Variants in SH3GL2 observed in about 807,000 individuals in gnomAD.
The protein encoded by SH3GL2 is SH3 domain containing GRB2 like 2, endophilin A1, also known as endophilin-A1.
In SH3GL2, 24 loss-of-function variants were observed where a neutral mutation model predicts 46.0. The observed-to-expected ratio is 0.52, with a 90% CI of 0.38 to 0.73. The LOEUF (loss-of-function observed/expected upper bound fraction) is 0.73, where lower values mean the gene tolerates loss of function less well. Among genes scored for constraint, SH3GL2 ranks in the 30% least tolerant of loss-of-function variants. The pLI, the probability that SH3GL2 is intolerant of heterozygous loss-of-function variation, is 0.00. For synonymous variants in SH3GL2, 196 were observed against 147.1 expected, an observed-to-expected ratio of 1.33 and a Z score of -2.40; for missense variants, 413 against 424.2, an observed-to-expected ratio of 0.97 and a Z score of 0.23.
chr9:17,685,541 G>A (rs1021674858), intron 1 of SH3GL2, among the ~76,000 whole-genome samples: 14 of 152,010 alleles, frequency 9.2e-5, no homozygotes, highest in African/African-American at 3.1e-4. Context: ...TAGAATTGTG[G>A]GAAGACCTAG....
At chr9:17,604,392 G>T (rs1301382802) in intron 1 of SH3GL2, among the ~76,000 whole-genome samples, 2 of 152,224 alleles carry the variant, frequency 1.3e-5, no homozygotes, top group Non-Finnish European at 2.9e-5. Flanking sequence ...CTGAGTGAAT[G>T]CATTTTAGGT....
Position 17,782,056 on chromosome 9 carries a change from G to T in SH3GL2, c.188-4325G>T, listed in dbSNP as rs1343978724. 2.0e-5 allele frequency among the ~76,000 whole-genome samples: 3 copies of T among 152,244 alleles called. 1 individual carries two copies. The highest frequency in any genetic ancestry group is 1.5e-5 in the Non-Finnish European group (1 of 68,016). On this transcript the variant is annotated intron_variant, in intron 3 of 8. Coordinates refer to ENST00000380607, the MANE Select transcript of SH3GL2 (RefSeq NM_003026.5). ...CACTTGCACATTATAGGTGCTTCATGAATATTTCTTTTGCTCACTTTATCA... is the reference window on the plus strand; with the variant it reads ...CACTTGCACATTATAGGTGCTTCATTAATATTTCTTTTGCTCACTTTATCA...
chr9:17,676,464 G>T (rs769492392), intron 1 of SH3GL2, among the ~76,000 whole-genome samples: 14 of 152,034 alleles, frequency 9.2e-5, no homozygotes, highest in Non-Finnish European at 2.1e-4. Context: ...AAATTAGCTG[G>T]GCATGGTAGT....
intron 1 of SH3GL2, among the ~76,000 whole-genome samples, chr9:17,624,654 T>C (rs1819238725): frequency 6.6e-6 from 1 of 152,244 alleles, no homozygotes. Flanking sequence ...AGATGGCTCC[T>C]GTGTCCATGT....
intron 1 of SH3GL2, among the ~76,000 whole-genome samples, chr9:17,662,410 C>T (rs1199754291): frequency 6.6e-6 from 1 of 152,140 alleles, no homozygotes; most frequent in Non-Finnish European, 1.5e-5. Flanking sequence ...TATGATTTCC[C>T]ATGAATTCAG....
intron 1 of SH3GL2, among the ~76,000 whole-genome samples, chr9:17,730,471 C>G (rs1320058112): frequency 6.6e-6 from 1 of 152,050 alleles, no homozygotes; most frequent in African/African-American, 2.4e-5. Context: ...GCCTGATTGT[C>G]TTGGCCAGCA....
At position 17,681,736 on chromosome 9, in the gene SH3GL2, A is replaced by G. The variant is rs1370318382; in HGVS notation, c.46-65330A>G. ...TCATTAAACTAAAGAGCTCTTGCAC[A>G]GCAAAAGAAACTACAGTCAGAGTGA... On this transcript the variant is annotated intron_variant, in intron 1 of 8. Coordinates refer to ENST00000380607, the MANE Select transcript of SH3GL2 (RefSeq NM_003026.5). Among the ~76,000 whole-genome samples the G allele has an allele frequency of 2.6e-5, 4 of 152,328 alleles. No individual in the cohort carries two copies. The East Asian group carries it at 7.7e-4, about 29-fold the overall frequency.
At chr9:17,676,179 C>G (rs778086060) in intron 1 of SH3GL2, among the ~76,000 whole-genome samples, 3 of 152,170 alleles carry the variant, frequency 2.0e-5, no homozygotes, top group Non-Finnish European at 2.9e-5. Flanking sequence ...TAAATCCCTG[C>G]TGTTAATCTT....
intron 1 of SH3GL2, among the ~76,000 whole-genome samples, chr9:17,616,286 C>T (rs1198441208): frequency 6.6e-6 from 1 of 152,192 alleles, no homozygotes; most frequent in African/African-American, 2.4e-5. Context: ...TTTTGTGATA[C>T]ACACAGTGAG....
At chr9:17,791,399 T>C in intron 7 of SH3GL2, 65 bp downstream of exon 7, 2 of 1,140,114 alleles carry the variant, frequency 1.8e-6, no homozygotes, top group South Asian at 2.5e-5. Context: ...TATAAAGAAA[T>C]GGAAATCATA....
chr9:17,582,797 A>G (rs184805167), intron 1 of SH3GL2, among the ~76,000 whole-genome samples: 74 of 152,336 alleles, frequency 4.9e-4, no homozygotes, highest in Non-Finnish European at 5.1e-4. Context: ...GACAGGATCT[A>G]TTCGAGGCTG....
At chr9:17,605,099 A>G (rs1051913652) in intron 1 of SH3GL2, among the ~76,000 whole-genome samples, 1 of 151,448 alleles carries the variant, frequency 6.6e-6, no homozygotes, top group African/African-American at 2.4e-5. Flanking sequence ...TAGCCTCCCG[A>G]GTAGCTGGGA....
intron 2 of SH3GL2, among the ~76,000 whole-genome samples, 170 bp from the exon 3 acceptor site, chr9:17,761,267 T>C (rs1389369315): frequency 2.0e-5 from 3 of 152,350 alleles, no homozygotes; most frequent in South Asian, 2.1e-4. Flanking sequence ...AGACCACTGC[T>C]GAGTACAGTG....
chr9:17,643,194 A>G (rs139852217), intron 1 of SH3GL2, among the ~76,000 whole-genome samples: 1,923 of 152,018 alleles, frequency 0.013, 59 homozygotes, highest in African/African-American at 0.044. Flanking sequence ...GTATTTGTCT[A>G]TTTTTGGTGT....
chr9:17,581,131 T>G (rs1421801162), intron 1 of SH3GL2, among the ~76,000 whole-genome samples: 1 of 152,236 alleles, frequency 6.6e-6, no homozygotes, highest in African/African-American at 2.4e-5. Flanking sequence ...TTTATTAGTA[T>G]AAAATACTAT....
chr9:17,654,001 G>A (rs1053153700), intron 1 of SH3GL2: 2 of 216,442 alleles, frequency 9.2e-6, no homozygotes, highest in Non-Finnish European at 1.6e-5. Flanking sequence ...TCACACAGCA[G>A]CTATCCTGTC....
intron 1 of SH3GL2, among the ~76,000 whole-genome samples, chr9:17,603,845 A>G (rs1158448040): frequency 1.3e-5 from 2 of 152,230 alleles, no homozygotes; most frequent in Admixed American, 6.5e-5. Context: ...AGCCTGGGCA[A>G]CAAGAGCGAA....
chr9:17,672,400 C>G (rs1820496557), intron 1 of SH3GL2, among the ~76,000 whole-genome samples: 2 of 152,090 alleles, frequency 1.3e-5, no homozygotes, highest in South Asian at 2.1e-4. Flanking sequence ...ATTCCAAGGT[C>G]CTTGACCTGA....
chr9:17,703,260 A>G (rs1821381782), intron 1 of SH3GL2, among the ~76,000 whole-genome samples: 1 of 152,130 alleles, frequency 6.6e-6, no homozygotes, highest in Non-Finnish European at 1.5e-5. Context: ...AAAATATTTT[A>G]TAAATAACTA....
Sources: allele counts gnomAD v4.1 joint callset (sites outside exome capture counted in the v4.1 genomes callset), GRCh38; gene constraint gnomAD v4.1.1; transcripts MANE v1.5; gene names NCBI Gene and HGNC (gene_info 2026-07-23, HGNC 2026-07-21).